SSX2IP: variants seen among roughly 807,000 people sequenced by gnomAD.
SSX2IP encodes afadin- and alpha-actinin-binding protein.
SSX2IP carries 55 observed loss-of-function variants against 84.9 expected under a neutral mutation model. That is an observed-to-expected ratio of 0.65 (90% CI 0.52 to 0.81). SSX2IP has a LOEUF of 0.81. Among genes scored for constraint, SSX2IP ranks in the 30% least tolerant of loss-of-function variants. The pLI, the probability that SSX2IP is intolerant of heterozygous loss-of-function variation, is 0.00. For synonymous variants in SSX2IP, 239 were observed against 234.7 expected (o/e 1.02, Z -0.17); for missense variants, 664 against 705.2 (o/e 0.94, Z 0.66).
At chr1:84,675,768 C>T (rs1213807247) in intron 1 of SSX2IP, among the ~76,000 whole-genome samples, 1 of 152,168 alleles carries the variant, frequency 6.6e-6, no homozygotes, top group Non-Finnish European at 1.5e-5. Flanking sequence ...GGCTATTCCT[C>T]TACTTCCCTC....
intron 12 of SSX2IP, among the ~76,000 whole-genome samples, chr1:84,651,178 A>G (rs114077447): frequency 0.044 from 6,717 of 152,174 alleles, 196 homozygotes; most frequent in Middle Eastern, 0.082. Flanking sequence ...TTATCTGGGT[A>G]TGGTGGTGTG....
chr1:84,662,492 T>TTCCA lies in SSX2IP; in HGVS notation c.708_711dup (p.Lys238TrpfsTer10), dbSNP rs1163379036. On this transcript the variant is annotated frameshift_variant, in exon 7 of 14. Coordinates refer to ENST00000342203, the MANE Select transcript of SSX2IP (RefSeq NM_001166293.2). LOFTEE classifies it high-confidence loss of function. ...TTACCAGTCCTCCAGGAGCCTCTTTTTCCATCAGCTCTCCCGACATAATTC... is the reference window on the plus strand; with the variant it reads ...TTACCAGTCCTCCAGGAGCCTCTTTTTCCATCCATCAGCTCTCCCGACATAATTC... The TTCCA allele has an allele frequency of 6.2e-7, 1 of 1,613,908 alleles. No individual in the cohort carries two copies. The highest frequency in any genetic ancestry group is 1.7e-5 in the Admixed American group (1 of 60,002).
At chr1:84,651,390 A>G (rs1339358470) in intron 12 of SSX2IP, among the ~76,000 whole-genome samples, 1 of 152,216 alleles carries the variant, frequency 6.6e-6, no homozygotes, top group Non-Finnish European at 1.5e-5. Context: ...GGGCATGCAC[A>G]GTCCCCCTCT....
intron 13 of SSX2IP, chr1:84,649,780 T>G (rs1229946182): frequency 1.4e-5 from 5 of 363,376 alleles, no homozygotes; most frequent in African/African-American, 8.5e-5. Context: ...GTATTGATCT[T>G]ATCTTAGAAA....
intron 4 of SSX2IP, among the ~76,000 whole-genome samples, chr1:84,667,017 T>C (rs965271003): frequency 1.3e-5 from 2 of 152,110 alleles, no homozygotes; most frequent in African/African-American, 4.8e-5. Flanking sequence ...AATGTAGGAG[T>C]ATAACCTGGA....
intron 1 of SSX2IP, among the ~76,000 whole-genome samples, chr1:84,672,079 A>G (rs1461703886): frequency 3.3e-5 from 5 of 152,232 alleles, no homozygotes; most frequent in Non-Finnish European, 7.3e-5. Context: ...TGGACTAAGT[A>G]TAAGACACCT....
intron 10 of SSX2IP, 56 bp from the exon 11 acceptor site, chr1:84,656,061 G>C: frequency 6.8e-7 from 1 of 1,479,426 alleles, no homozygotes; most frequent in Non-Finnish European, 9.2e-7. Flanking sequence ...ACTCCAACGA[G>C]TTGAAATGAA....
At chr1:84,659,902 G>A (rs1651685351) in intron 8 of SSX2IP, among the ~76,000 whole-genome samples, 1 of 152,056 alleles carries the variant, frequency 6.6e-6, no homozygotes, top group Admixed American at 6.6e-5. Flanking sequence ...TGGGCACAGT[G>A]GCTCATGTCT....
At chr1:84,664,260 G>A (rs890478309) in intron 6 of SSX2IP, among the ~76,000 whole-genome samples, 157 bp downstream of exon 6, 1 of 152,098 alleles carries the variant, frequency 6.6e-6, no homozygotes, top group South Asian at 2.1e-4. Context: ...CTAACCAGTT[G>A]TCTACATTTT....
chr1:84,687,557 G>T (rs1276951314), intron 1 of SSX2IP, among the ~76,000 whole-genome samples: 7 of 152,094 alleles, frequency 4.6e-5, no homozygotes, highest in Non-Finnish European at 1.0e-4. Context: ...CTTAAGAAAG[G>T]TTTGTTGTAT....
intron 11 of SSX2IP, 81 bp from the exon 12 acceptor site, chr1:84,652,078 CTT>C: frequency 9.8e-7 from 1 of 1,015,280 alleles, no homozygotes; most frequent in Non-Finnish European, 1.5e-6. Flanking sequence ...CTCTAGCTAT[CTT>C]TGTTTGCTCT....
chr1:84,656,367 G>C lies in SSX2IP; in HGVS notation c.1196C>G (p.Thr399Ser), dbSNP rs1178685806. Reference protein sequence around the residue: ...EIQQCKEMIKTQQQLLQQQLA... With the variant: ...EIQQCKEMIKSQQQLLQQQLA... Reference sequence around the variant, plus strand: ...ATTCACCTGTAAAAGCTGTTGCTGAGTTTTAATCATTTCTTTACACTGCTG... The same window carrying C: ...ATTCACCTGTAAAAGCTGTTGCTGACTTTTAATCATTTCTTTACACTGCTG... The change falls in exon 10 of 14, where the codon ACT (threonine) becomes AGT (serine). Residue 399 changes from threonine to serine, a missense_variant. Physicochemically the swap from Thr to Ser is moderately conservative, Grantham distance 58 (BLOSUM62 1). Transcript: ENST00000342203. The C allele has an allele frequency of 6.2e-7, 1 of 1,611,534 alleles. No individual in the cohort carries two copies.
chr1:84,656,194 G>C (rs1651087346), intron 10 of SSX2IP, among the ~76,000 whole-genome samples, 154 bp downstream of exon 10: 1 of 152,118 alleles, frequency 6.6e-6, no homozygotes, highest in Non-Finnish European at 1.5e-5. Flanking sequence ...GACTATTTAA[G>C]GAGTGGTACA....
chr1:84,673,282 C>T (rs540488882), intron 1 of SSX2IP, among the ~76,000 whole-genome samples: 2 of 152,098 alleles, frequency 1.3e-5, no homozygotes, highest in South Asian at 2.1e-4. Flanking sequence ...GAAACGGTGA[C>T]ATCTGAAGTG....
chr1:84,665,138 T>C (rs1277269213), intron 5 of SSX2IP, among the ~76,000 whole-genome samples: 1 of 152,212 alleles, frequency 6.6e-6, no homozygotes, highest in African/African-American at 2.4e-5. Context: ...TGACAGAGTA[T>C]GTCCTATTCT....
chr1:84,690,023 C>G (rs1656369754), intron 1 of SSX2IP: 1 of 152,420 alleles, frequency 6.6e-6, no homozygotes, highest in African/African-American at 2.4e-5. Context: ...CGTCCCCGCG[C>G]TGCTCGTCCC....
At position 84,656,363 on chromosome 1, in the gene SSX2IP, C is replaced by G; in HGVS notation, c.1200G>C (p.Gln400His). ...TCATATTCACCTGTAAAAGCTGTTGCTGAGTTTTAATCATTTCTTTACACT... is the reference window on the plus strand; with the variant it reads ...TCATATTCACCTGTAAAAGCTGTTGGTGAGTTTTAATCATTTCTTTACACT... ...IQQCKEMIKT[Q>H]QQLLQQQLAT... The change falls in exon 10 of 14, where the codon CAG becomes CAC. Residue 400 changes from glutamine to histidine, a missense_variant. Transcript: ENST00000342203. 6.2e-7 allele frequency: 1 copy of G among 1,611,042 alleles called. No homozygotes were observed. Among genetic ancestry groups the G allele is most frequent in the Non-Finnish European group, 8.5e-7 (1 of 1,179,008 alleles).
chr1:84,676,549 T>C (rs970313935), intron 1 of SSX2IP, among the ~76,000 whole-genome samples: 5 of 152,258 alleles, frequency 3.3e-5, no homozygotes, highest in African/African-American at 1.2e-4. Flanking sequence ...GGTAAAATCA[T>C]GCAGAGCTTA....
intron 5 of SSX2IP, among the ~76,000 whole-genome samples, chr1:84,665,404 A>T (rs1421863301): frequency 3.3e-5 from 5 of 152,078 alleles, no homozygotes; most frequent in Admixed American, 1.3e-4. Context: ...AAAGAAATAC[A>T]CTCCTCAGAA....
Sources: allele counts gnomAD v4.1 joint callset (sites outside exome capture counted in the v4.1 genomes callset), GRCh38; gene constraint gnomAD v4.1.1; transcripts MANE v1.5; gene names NCBI Gene and HGNC (gene_info 2026-07-23, HGNC 2026-07-21).